The following PHF21A variants were observed in gnomAD, a reference collection of about 807,000 sequenced individuals.
The protein encoded by PHF21A is PHD finger protein 21A, also known as BHC80a.
A neutral mutation model predicts 82.5 loss-of-function variants in PHF21A; 11 were observed. That is an observed-to-expected ratio of 0.13 (90% confidence interval 0.08 to 0.22). The LOEUF (loss-of-function observed/expected upper bound fraction) is 0.22. PHF21A is among the 10% of genes least tolerant of loss of function. The pLI, the probability that PHF21A is intolerant of heterozygous loss-of-function variation, is 1.00. For missense variants in PHF21A, 579 were observed against 837.8 expected (o/e 0.69, Z 3.81); for synonymous variants, 297 against 302.8 (o/e 0.98, Z 0.20).
intron 3 of PHF21A, among the ~76,000 whole-genome samples, chr11:46,086,958 C>T (rs2096864296): frequency 6.6e-6 from 1 of 152,054 alleles, no homozygotes; most frequent in South Asian, 2.1e-4. Context: ...ACATGAAAAA[C>T]TTCCATCTTT....
At chr11:45,998,566 G>A (rs937318715) in intron 6 of PHF21A, among the ~76,000 whole-genome samples, 14 of 151,626 alleles carry the variant, frequency 9.2e-5, no homozygotes, top group Admixed American at 9.2e-4. Flanking sequence ...AGGCTGGAGT[G>A]CAATTGCGTG....
intron 5 of PHF21A, 85 bp downstream of exon 5, chr11:46,079,049 C>A: frequency 5.4e-6 from 4 of 737,044 alleles, no homozygotes; most frequent in Non-Finnish European, 8.8e-6. Context: ...AGTTAAGTAC[C>A]ATCTATATTT....
chr11:45,946,073 T>C, intron 14 of PHF21A, 70 bp from the exon 15 acceptor site: 1 of 1,614,050 alleles, frequency 6.2e-7, no homozygotes, highest in Admixed American at 1.7e-5. Flanking sequence ...TGATCTTACA[T>C]ACCTTTGGCC....
chr11:45,953,354 G>A (rs1375513359), intron 11 of PHF21A, among the ~76,000 whole-genome samples, 173 bp downstream of exon 11: 2 of 152,228 alleles, frequency 1.3e-5, no homozygotes, highest in Non-Finnish European at 2.9e-5. Flanking sequence ...TACAGTCTAA[G>A]AATTCCACTC....
At chr11:46,051,222 T>G (rs914957408) in intron 6 of PHF21A, among the ~76,000 whole-genome samples, 1 of 152,222 alleles carries the variant, frequency 6.6e-6, no homozygotes, top group East Asian at 1.9e-4. Context: ...ATACTAGATC[T>G]AATCATTGCT....
chr11:45,955,666 T>C (rs2092579362), intron 10 of PHF21A, among the ~76,000 whole-genome samples: 1 of 152,206 alleles, frequency 6.6e-6, no homozygotes, highest in South Asian at 2.1e-4. Context: ...ATCTCAGTGT[T>C]ATATAAATAA....
chr11:46,046,968 A>G (rs973445952), intron 6 of PHF21A, among the ~76,000 whole-genome samples: 61 of 152,264 alleles, frequency 4.0e-4, no homozygotes, highest in African/African-American at 1.4e-3. Context: ...TGACATGGGC[A>G]GGTCAAAATA....
chr11:45,939,398 C>G (rs1346901657), intron 15 of PHF21A, among the ~76,000 whole-genome samples: 2 of 151,818 alleles, frequency 1.3e-5, no homozygotes, highest in African/African-American at 2.4e-5. Flanking sequence ...TTTGCTTGCT[C>G]AAGAAGAAAA....
At chr11:46,116,504 T>C (rs1333008088) in intron 1 of PHF21A, 1 of 151,012 alleles carries the variant, frequency 6.6e-6, no homozygotes, top group Non-Finnish European at 1.5e-5. Flanking sequence ...AATGGAGAAA[T>C]GAAGAAAAAC....
intron 6 of PHF21A, among the ~76,000 whole-genome samples, chr11:45,982,895 G>A (rs996377718): frequency 1.3e-5 from 2 of 152,112 alleles, no homozygotes; most frequent in East Asian, 1.9e-4. Context: ...AAACAGCACA[G>A]GAAACTAATT....
intron 10 of PHF21A, among the ~76,000 whole-genome samples, chr11:45,956,872 G>A (rs1349495223): frequency 6.6e-6 from 1 of 152,046 alleles, no homozygotes; most frequent in African/African-American, 2.4e-5. Context: ...AAGACCGACT[G>A]GCAGAATGAA....
intron 1 of PHF21A, among the ~76,000 whole-genome samples, chr11:46,100,372 TA>T (rs1306747219): frequency 6.6e-6 from 1 of 152,046 alleles, no homozygotes; most frequent in Admixed American, 6.6e-5. Flanking sequence ...ACCTTATAAA[TA>T]ACGTTAGCTA....
chr11:45,972,100 G>C (rs36094505), intron 7 of PHF21A, among the ~76,000 whole-genome samples: 7 of 151,518 alleles, frequency 4.6e-5, no homozygotes, highest in Non-Finnish European at 7.4e-5. Context: ...TTTCTCTGGA[G>C]AACTGCTGCA....
rs781277394 is a variant in PHF21A at position 45,979,913 on chromosome 11, C to T, written c.207G>A (p.Pro69=). ...GCAATGGCTGTATTTGGAACTTGTCCGGTTGTTCTTGCTTTACTATCAGGT... is the reference window on the plus strand; with the variant it reads ...GCAATGGCTGTATTTGGAACTTGTCTGGTTGTTCTTGCTTTACTATCAGGT... ...RKNLIVKQEQ[P]DKFQIQPLPQ... Residue 69 remains proline (P), a synonymous_variant, in exon 7 of 19, where the codon CCG becomes CCA. Coordinates refer to ENST00000676320, the MANE Select transcript of PHF21A (RefSeq NM_001352027.3). 5.6e-6 allele frequency: 9 copies of T among 1,614,000 alleles called. No homozygotes were observed. Among genetic ancestry groups the T allele is most frequent in the Middle Eastern group, 1.6e-4 (1 of 6,082 alleles).
chr11:46,089,854 T>C (rs921677252), intron 3 of PHF21A, among the ~76,000 whole-genome samples: 5 of 151,316 alleles, frequency 3.3e-5, no homozygotes, highest in African/African-American at 7.3e-5. Context: ...TCTACACAGG[T>C]CATACCTCCA....
At chr11:45,959,716 A>G (rs2092956535) in intron 10 of PHF21A, among the ~76,000 whole-genome samples, 1 of 152,236 alleles carries the variant, frequency 6.6e-6, no homozygotes, top group African/African-American at 2.4e-5. Flanking sequence ...CAAGACAAAA[A>G]TCAGCTGTGT....
At chr11:46,079,207 T>C in intron 4 of PHF21A, 41 bp from the exon 5 acceptor site, 1 of 1,491,976 alleles carries the variant, frequency 6.7e-7, no homozygotes, top group South Asian at 1.2e-5. Flanking sequence ...GTCTTACATA[T>C]TAACTCCCTA....
chr11:46,058,640 G>GT (rs2096492182), intron 6 of PHF21A, among the ~76,000 whole-genome samples: 1 of 152,182 alleles, frequency 6.6e-6, no homozygotes, highest in South Asian at 2.1e-4. Flanking sequence ...GAGCAATTAG[G>GT]TAACATAAAA....
intron 6 of PHF21A, among the ~76,000 whole-genome samples, chr11:46,034,639 C>A (rs1030962232): frequency 3.9e-5 from 6 of 152,178 alleles, no homozygotes; most frequent in African/African-American, 1.4e-4. Context: ...CAGCTCATGA[C>A]AGGTCTCCCA....
Sources: gnomAD v4.1 joint callset for allele counts (sites outside exome capture counted in the v4.1 genomes callset) on GRCh38, gnomAD v4.1.1 for gene constraint, MANE v1.5 for transcripts, NCBI Gene and HGNC (gene_info 2026-07-23, HGNC 2026-07-21) for gene names.